PHLPP2: variants seen among roughly 807,000 people sequenced by gnomAD.
PHLPP2 encodes the protein PH domain leucine-rich repeat-containing protein phosphatase 2.
In PHLPP2, 66 loss-of-function variants were observed where a neutral mutation model predicts 124.9. The observed-to-expected ratio is 0.53, with a 90% CI of 0.43 to 0.65. The LOEUF is 0.65. PHLPP2 is among the 30% of genes least tolerant of loss of function. The pLI, the probability that PHLPP2 is intolerant of heterozygous loss-of-function variation, is 0.00. For synonymous variants in PHLPP2, 681 were observed against 624.7 expected (o/e 1.09, Z -1.34); for missense variants, 1,685 against 1,600.4 (o/e 1.05, Z -0.90).
intron 2 of PHLPP2, among the ~76,000 whole-genome samples, chr16:71,704,273 G>A (rs1407990637): frequency 7.2e-6 from 1 of 138,938 alleles, no homozygotes; most frequent in African/African-American, 2.7e-5. Flanking sequence ...TGGTGCCACC[G>A]CACTCCAGCC....
intron 2 of PHLPP2, among the ~76,000 whole-genome samples, chr16:71,711,130 G>C (rs1214469971): frequency 6.6e-6 from 1 of 152,050 alleles, no homozygotes; most frequent in Non-Finnish European, 1.5e-5. Flanking sequence ...AGGAATTTGA[G>C]ACTAGGCTGC....
chr16:71,722,909 C>G (rs1187618215), intron 1 of PHLPP2, among the ~76,000 whole-genome samples: 1 of 152,230 alleles, frequency 6.6e-6, no homozygotes, highest in Non-Finnish European at 1.5e-5. Flanking sequence ...ACTATCGCCA[C>G]CCTACCTTGT....
chr16:71,681,444 T>A (rs1370630514), intron 6 of PHLPP2, among the ~76,000 whole-genome samples: 1 of 152,218 alleles, frequency 6.6e-6, no homozygotes, highest in East Asian at 1.9e-4. Context: ...TTTATACTTC[T>A]AATTCAAAAA....
At chr16:71,657,870 A>C (rs1596989758) in intron 15 of PHLPP2, among the ~76,000 whole-genome samples, 2 of 152,308 alleles carry the variant, frequency 1.3e-5, no homozygotes, top group Middle Eastern at 6.8e-3. Flanking sequence ...AAAGATTTCT[A>C]TGTTTTAGCC....
At chr16:71,696,133 G>A (rs1336598848) in intron 3 of PHLPP2, among the ~76,000 whole-genome samples, 2 of 151,858 alleles carry the variant, frequency 1.3e-5, no homozygotes, top group Admixed American at 6.6e-5. Flanking sequence ...ATTGTATTAG[G>A]GTGGTGGAAT....
intron 18 of PHLPP2, among the ~76,000 whole-genome samples, chr16:71,651,635 A>T (rs187310341): frequency 6.6e-6 from 1 of 152,366 alleles, no homozygotes; most frequent in East Asian, 1.9e-4. Flanking sequence ...TCATACTTCC[A>T]GAATTCTAAT....
chr16:71,655,145 C>A, intron 17 of PHLPP2, 95 bp downstream of exon 17: 1 of 800,950 alleles, frequency 1.2e-6, no homozygotes, highest in Non-Finnish European at 2.2e-6. Context: ...CTCCTTGATC[C>A]TGTATCCATA....
At chr16:71,672,361 A>G in intron 9 of PHLPP2, 39 bp from the exon 10 acceptor site, 1 of 1,449,700 alleles carries the variant, frequency 6.9e-7, no homozygotes. Context: ...ACATCCTCTA[A>G]AAAAGAAAGT....
chr16:71,682,591 A>C (rs968117013), intron 5 of PHLPP2, among the ~76,000 whole-genome samples: 1 of 152,212 alleles, frequency 6.6e-6, no homozygotes, highest in Non-Finnish European at 1.5e-5. Context: ...GCTACTTATC[A>C]GCAGTTTCTT....
intron 11 of PHLPP2, among the ~76,000 whole-genome samples, chr16:71,668,415 CAAAAAA>C (rs34860764): frequency 7.4e-5 from 2 of 26,930 alleles, no homozygotes; most frequent in Non-Finnish European, 1.3e-4. Context: ...GACTCTGTCT[CAAAAAA>C]AAAAAAAAAA....
intron 1 of PHLPP2, among the ~76,000 whole-genome samples, chr16:71,718,790 G>A (rs1217446565): frequency 2.0e-5 from 3 of 152,152 alleles, no homozygotes; most frequent in Non-Finnish European, 2.9e-5. Flanking sequence ...TCTATCTCCT[G>A]TCTACATGAT....
chr16:71,693,067 G>A (rs539792196), intron 3 of PHLPP2, among the ~76,000 whole-genome samples: 1 of 152,192 alleles, frequency 6.6e-6, no homozygotes, highest in Non-Finnish European at 1.5e-5. Flanking sequence ...GAGGCGGGCG[G>A]ATCACGAGGT....
At chr16:71,684,125 C>CT (rs397816254) in intron 5 of PHLPP2, among the ~76,000 whole-genome samples, 39,203 of 118,762 alleles carry the variant, frequency 0.33, 7,572 homozygotes, top group East Asian at 0.76. Context: ...TTGAGGTACT[C>CT]TTTTTTTTTT....
intron 8 of PHLPP2, chr16:71,677,625 G>GT (rs2044959631): frequency 1.4e-5 from 2 of 147,476 alleles, no homozygotes; most frequent in South Asian, 4.3e-4. Flanking sequence ...CTCCAGTGTG[G>GT]TTTAAAAAAA....
Position 71,648,898 on chromosome 16 carries a change from CTGTG to C in PHLPP2, c.3960_3963del (p.Asp1320GlufsTer20), listed in dbSNP as rs752747649. The C allele has an allele frequency of 6.2e-6, 10 of 1,611,304 alleles. No individual in the cohort carries two copies. The highest frequency in any genetic ancestry group is 8.5e-6 in the Non-Finnish European group (10 of 1,179,260). ...TGTGCCCAGTGGGGCAGTCATAGTG[CTGTG>C]TCGAACTCCTCCGGGGGCTCGGTCC... On this transcript the variant is annotated frameshift_variant, in exon 19 of 19. Coordinates refer to ENST00000568954, the MANE Select transcript of PHLPP2 (RefSeq NM_015020.3). LOFTEE classifies it high-confidence loss of function.
intron 12 of PHLPP2, among the ~76,000 whole-genome samples, chr16:71,665,153 C>CA (rs1240878163): frequency 4.0e-5 from 6 of 150,222 alleles, no homozygotes; most frequent in Admixed American, 6.6e-5. Context: ...ACTAAAAATA[C>CA]AAAAAAAAAG....
chr16:71,682,657 G>A (rs1362542264), intron 5 of PHLPP2, among the ~76,000 whole-genome samples: 1 of 152,094 alleles, frequency 6.6e-6, no homozygotes, highest in Non-Finnish European at 1.5e-5. Context: ...TGCTAAACAT[G>A]CAAAAGACAC....
Position 71,645,768 on chromosome 16 carries a change from T to G in PHLPP2, c.*3122A>C, listed in dbSNP as rs1162416983. On this transcript the variant is annotated 3_prime_UTR_variant, in exon 19 of 19. Transcript: ENST00000568954. ...CACCAATGTATTGCACACATACACTTCACAGTAGTACAATAAAGCCCTGTA... is the reference window on the plus strand; with the variant it reads ...CACCAATGTATTGCACACATACACTGCACAGTAGTACAATAAAGCCCTGTA... 2.0e-5 allele frequency: 3 copies of G among 153,090 alleles called. No homozygotes were observed. The highest frequency in any genetic ancestry group is 4.4e-5 in the Non-Finnish European group (3 of 68,052). The allele number at this position is 153,090 out of a possible 1,614,324, so 9.5% of individuals were successfully genotyped here. A position where few individuals can be genotyped will look rare whatever the true frequency, so the allele number is the denominator to read the frequency against.
At position 71,684,724 on chromosome 16, in the gene PHLPP2, C is replaced by T. The variant is rs1018316138; in HGVS notation, c.610-123G>A. On this transcript the variant is annotated intron_variant, in intron 4 of 18. Coordinates refer to ENST00000568954, the MANE Select transcript of PHLPP2 (RefSeq NM_015020.3). ...AATAGTTATTTTTTATTTTTTCTCT[C>T]TCCCTCCTTGTCCCCCTCCATCTGC... is the stretch of plus-strand genomic sequence containing the variant. The T allele has an allele frequency of 8.7e-6, 8 of 918,242 alleles. 1 individual carries two copies. Among genetic ancestry groups the T allele is most frequent in the Admixed American group, 8.6e-5 (3 of 35,080 alleles). 56.9% of individuals were successfully genotyped at this position (918,242 alleles called of 1,614,324 possible). A position where few individuals can be genotyped will look rare whatever the true frequency, so the allele number is the denominator to read the frequency against.
Sources: gnomAD v4.1 joint callset for allele counts (sites outside exome capture counted in the v4.1 genomes callset) on GRCh38, gnomAD v4.1.1 for gene constraint, MANE v1.5 for transcripts, NCBI Gene and HGNC (gene_info 2026-07-23, HGNC 2026-07-21) for gene names.